EIF2AK1: variants seen among roughly 807,000 people sequenced by gnomAD.
EIF2AK1 encodes eukaryotic translation initiation factor 2-alpha kinase 1.
A neutral mutation model predicts 77.9 loss-of-function variants in EIF2AK1; 54 were observed. That is an observed-to-expected ratio of 0.69 (90% CI 0.56 to 0.87). EIF2AK1 has a LOEUF of 0.87. Ranked by LOEUF, EIF2AK1 falls within the 40% of genes least tolerant of loss-of-function variation. The pLI, the probability that EIF2AK1 is intolerant of heterozygous loss-of-function variation, is 0.00. For missense variants in EIF2AK1, 810 were observed against 768.6 expected (o/e 1.05, Z -0.64); for synonymous variants, 314 against 290.5 (o/e 1.08, Z -0.82).
At chr7:6,052,132 A>T (rs1267918230) in intron 2 of EIF2AK1, among the ~76,000 whole-genome samples, 3 of 146,300 alleles carry the variant, frequency 2.1e-5, no homozygotes, top group Non-Finnish European at 3.0e-5. Flanking sequence ...AGATCGCACT[A>T]CCGCACTCCA....
chr7:6,056,613 A>AAAATATATATAT lies in EIF2AK1; in HGVS notation c.119-1910_119-1909insATATATATATTT. Among the ~76,000 whole-genome samples, 46 of 43,720 alleles carry AAAATATATATAT rather than the reference A, an allele frequency of 1.1e-3. 1 individual carries two copies. Among genetic ancestry groups the AAAATATATATAT allele is most frequent in the Non-Finnish European group, 1.9e-3 (40 of 21,254 alleles). The allele number at this position is 43,720 out of a possible 152,430, so 28.7% of individuals were successfully genotyped here. On this transcript the variant is annotated intron_variant, in intron 1 of 14. Transcript: ENST00000199389. ...CATCTCAAGGGAAAAAAAAAAAAAAAATATATATATATATATATATATAAA... is the reference window on the plus strand; with the variant it reads ...CATCTCAAGGGAAAAAAAAAAAAAAAAAATATATATATATATATATATATATATATATATAAA...
chr7:6,044,139 C>T (rs1353321068), intron 7 of EIF2AK1, among the ~76,000 whole-genome samples: 2 of 151,806 alleles, frequency 1.3e-5, no homozygotes, highest in African/African-American at 4.8e-5. Context: ...ATAATTTTCA[C>T]AAAATCTTCT....
chr7:6,044,516 A>C, intron 7 of EIF2AK1, 46 bp downstream of exon 7: 1 of 1,532,956 alleles, frequency 6.5e-7, no homozygotes, highest in Non-Finnish European at 9.0e-7. Flanking sequence ...TGCACGGGCT[A>C]AAGTTTGCCA....
chr7:6,031,565 G>A (rs778752001), intron 11 of EIF2AK1: 153 of 1,550,540 alleles, frequency 9.9e-5, no homozygotes, highest in Admixed American at 1.4e-4. Context: ...GCCCAACTCC[G>A]CCAGCAACAG....
At chr7:6,048,723 T>A in intron 4 of EIF2AK1, 84 bp downstream of exon 4, 1 of 1,121,208 alleles carries the variant, frequency 8.9e-7, no homozygotes, top group Non-Finnish European at 1.3e-6. Flanking sequence ...CTAACAATAT[T>A]ATGTTTTAAC....
rs960055113 is a variant in EIF2AK1, at chr7:6,040,881, A to G, written c.1119+11T>C. ...CTGGCCAAATTAGGAGGGTCTGGGA[A>G]AGTAATCTACCTCTGTCTGACCCAA... is the stretch of plus-strand genomic sequence containing the variant. On this transcript the variant is annotated intron_variant, in intron 9 of 14. Transcript: ENST00000199389. 2.5e-6 allele frequency: 4 copies of G among 1,610,958 alleles called. No homozygotes were observed. The highest frequency in any genetic ancestry group is 3.4e-6 in the Non-Finnish European group (4 of 1,177,452).
At chr7:6,055,518 CAGAG>C (rs1788725823) in intron 1 of EIF2AK1, among the ~76,000 whole-genome samples, 1 of 151,910 alleles carries the variant, frequency 6.6e-6, no homozygotes, top group African/African-American at 2.4e-5. Flanking sequence ...ACACTGATCT[CAGAG>C]AGGCTGAGGA....
At chr7:6,038,698 C>T (rs1788179830) in intron 9 of EIF2AK1, 27 bp from the exon 10 acceptor site, 1 of 1,551,732 alleles carries the variant, frequency 6.4e-7, no homozygotes, top group African/African-American at 1.4e-5. Flanking sequence ...TGATGGCTCC[C>T]ATCTTTGCAC....
At chr7:6,041,665 C>T (rs988986008) in intron 8 of EIF2AK1, among the ~76,000 whole-genome samples, 11 of 151,664 alleles carry the variant, frequency 7.3e-5, no homozygotes, top group East Asian at 3.9e-4. Flanking sequence ...TATGGTGAAA[C>T]GCCATCTCTA....
At chr7:6,049,626 TC>T (rs1456818844) in intron 3 of EIF2AK1, among the ~76,000 whole-genome samples, 3 of 133,632 alleles carry the variant, frequency 2.2e-5, no homozygotes, top group Admixed American at 1.6e-4. Flanking sequence ...GCCTCTCCTC[TC>T]TTTTTTTTTT....
Position 6,059,064 on chromosome 7 carries a change from C to A in EIF2AK1, c.20G>T (p.Gly7Val). 1 of 1,465,502 alleles carries A rather than the reference C, an allele frequency of 6.8e-7. No homozygotes were observed. The highest frequency in any genetic ancestry group is 2.7e-5 in the Admixed American group (1 of 36,874). 90.8% of individuals were successfully genotyped at this position (1,465,502 alleles called of 1,614,324 possible). The change falls in exon 1 of 15, where the codon GGG becomes GTG. Residue 7 changes from glycine to valine, a missense_variant. Physicochemically the swap from Gly to Val is moderately radical, Grantham distance 109. This residue lies in a region of EIF2AK1 where 246 missense variants were observed against 199.0 expected (regional missense o/e 1.24). Coordinates refer to ENST00000199389, the MANE Select transcript of EIF2AK1 (RefSeq NM_014413.4). Reference protein sequence around the residue: MQGGNSGVRKREEEGDG... With the variant: MQGGNSVVRKREEEGDG... ...GCCCTCCTCTTCGCGCTTGCGGACC[C>A]CGGAGTTGCCCCCCTGCATCGCCGG...
At chr7:6,039,886 G>A (rs1034706563) in intron 9 of EIF2AK1, among the ~76,000 whole-genome samples, 3 of 152,048 alleles carry the variant, frequency 2.0e-5, no homozygotes, top group African/African-American at 4.8e-5. Context: ...TCAGTGAGCC[G>A]AGATCATGCC....
chr7:6,047,074 A>G lies in EIF2AK1; in HGVS notation c.467T>C (p.Leu156Ser). ...IQKIRSREVA[L>S]EAQTSRYLNE... ...TAAGTAACGTGAAGTTTGTGCTTCC[A>G]AGGCTACTTCCCTTGATCTGAAAGT... Residue 156 changes from leucine to serine, a missense_variant, in exon 5 of 15, where the codon TTG becomes TCG. This residue lies in a region of EIF2AK1 where 246 missense variants were observed against 199.0 expected (regional missense o/e 1.24). Coordinates refer to ENST00000199389, the MANE Select transcript of EIF2AK1 (RefSeq NM_014413.4). 6.2e-7 allele frequency: 1 copy of G among 1,613,018 alleles called. No homozygotes were observed. Among genetic ancestry groups the G allele is most frequent in the Non-Finnish European group, 8.5e-7 (1 of 1,179,710 alleles).
chr7:6,056,053 G>C (rs944071760), intron 1 of EIF2AK1, among the ~76,000 whole-genome samples: 1 of 146,102 alleles, frequency 6.8e-6, no homozygotes, highest in Admixed American at 7.0e-5. Flanking sequence ...AGCACTTAGA[G>C]AGGCCGAGGC....
chr7:6,031,465 G>A (rs1324997677), intron 11 of EIF2AK1: 16 of 1,550,578 alleles, frequency 1.0e-5, no homozygotes, highest in Middle Eastern at 1.7e-4. Flanking sequence ...CACTTCACTC[G>A]AAACTCTATG....
In EIF2AK1 at chr7:6,023,366, T is replaced by G; in HGVS notation, c.*1307A>C. 1 of 1,613,428 alleles carries G rather than the reference T, an allele frequency of 6.2e-7. No homozygotes were observed. Among genetic ancestry groups the G allele is most frequent in the Non-Finnish European group, 8.5e-7 (1 of 1,179,706 alleles). On this transcript the variant is annotated 3_prime_UTR_variant, in exon 15 of 15. Coordinates refer to ENST00000199389, the MANE Select transcript of EIF2AK1 (RefSeq NM_014413.4). ...TGCCCCATCGAAGGCGAAGGGAACA[T>G]TGCACGTTTCTTGTTCTCTCTGTTT... is the stretch of plus-strand genomic sequence containing the variant.
rs1787795285 is a variant in EIF2AK1 at position 6,027,887 on chromosome 7, C to T, written c.1530+728G>A. On this transcript the variant is annotated intron_variant, in intron 13 of 14. Coordinates refer to ENST00000199389, the MANE Select transcript of EIF2AK1 (RefSeq NM_014413.4). The surrounding 1 kb of genome is among the most constrained non-coding windows in gnomAD (Gnocchi z 4.5). ...TGAGACCAACCTGGACAAAGCAAGACCCATCTCTACAAATAATTTTTTTTA... is the reference window on the plus strand; with the variant it reads ...TGAGACCAACCTGGACAAAGCAAGATCCATCTCTACAAATAATTTTTTTTA... 2.3e-6 allele frequency: 1 copy of T among 441,166 alleles called. No homozygotes were observed. The highest frequency in any genetic ancestry group is 4.5e-6 in the Non-Finnish European group (1 of 220,984). The allele number at this position is 441,166 out of a possible 1,614,324, so 27.3% of individuals were successfully genotyped here.
chr7:6,027,107 A>G lies in EIF2AK1; in HGVS notation c.1531-146T>C, dbSNP rs1017594008. ...CACAAGGAAGGGAACAGAGCAGGAT[A>G]GCTCATCAGTGACAGGGACTTTCAC... On this transcript the variant is annotated intron_variant, in intron 13 of 14. Coordinates refer to ENST00000199389, the MANE Select transcript of EIF2AK1 (RefSeq NM_014413.4). This position sits in a 1 kb window ranked among gnomAD's most constrained non-coding sequence, Gnocchi z 4.5. 1.5e-6 allele frequency: 1 copy of G among 678,440 alleles called. No individual in the cohort carries two copies. Among genetic ancestry groups the G allele is most frequent in the Non-Finnish European group, 2.5e-6 (1 of 401,788 alleles). 42.0% of individuals were successfully genotyped at this position (678,440 alleles called of 1,614,324 possible).
At position 6,027,457 on chromosome 7, in the gene EIF2AK1, T is replaced by A. The variant is rs187197754; in HGVS notation, c.1531-496A>T. Among the ~76,000 whole-genome samples, 1,013 of 152,208 alleles carry A rather than the reference T, an allele frequency of 6.7e-3. 3 individuals carry two copies. The highest frequency in any genetic ancestry group is 9.4e-3 in the Non-Finnish European group (636 of 68,002). ...TAGGAAGGTCTTCACTAAACAAGATTTTAGGGGCAGCCATCATTTTTTCTG... is the reference window on the plus strand; with the variant it reads ...TAGGAAGGTCTTCACTAAACAAGATATTAGGGGCAGCCATCATTTTTTCTG... On this transcript the variant is annotated intron_variant, in intron 13 of 14. Transcript: ENST00000199389. The surrounding 1 kb of genome is among the most constrained non-coding windows in gnomAD (Gnocchi z 4.5).
Sources: allele counts gnomAD v4.1 joint callset (sites outside exome capture counted in the v4.1 genomes callset), GRCh38; gene constraint gnomAD v4.1.1; regional missense constraint gnomAD v4.1.1; non-coding constraint Gnocchi (gnomAD v3.1); transcripts MANE v1.5; gene names NCBI Gene and HGNC (gene_info 2026-07-23, HGNC 2026-07-21).